The following CHSY3 variants were observed in gnomAD, a reference collection of about 807,000 sequenced individuals.
The protein encoded by CHSY3 is N-acetylgalactosaminyl-proteoglycan 3-beta-glucuronosyltransferase 3.
Under a neutral mutation model 67.2 loss-of-function variants are expected in CHSY3, and 35 were observed. That is an observed-to-expected ratio of 0.52 (90% CI 0.40 to 0.69). The LOEUF (loss-of-function observed/expected upper bound fraction) is 0.69. CHSY3 is among the 30% of genes least tolerant of loss of function. CHSY3 has a pLI of 0.00. For missense variants in CHSY3, 1,069 were observed against 1,138.5 expected (o/e 0.94, Z 0.88); for synonymous variants, 474 against 434.7 (o/e 1.09, Z -1.12).
chr5:130,097,564 G>A (rs1334341280), intron 2 of CHSY3, among the ~76,000 whole-genome samples: 2 of 152,152 alleles, frequency 1.3e-5, no homozygotes, highest in African/African-American at 4.8e-5. Context: ...CTTGTGTTTG[G>A]ATTTTTGAAA....
intron 2 of CHSY3, among the ~76,000 whole-genome samples, chr5:130,087,130 CA>C (rs1422386846): frequency 6.6e-6 from 1 of 151,962 alleles, no homozygotes; most frequent in Non-Finnish European, 1.5e-5. Context: ...ATGATTATCT[CA>C]ATAGATGCAG....
intron 2 of CHSY3, among the ~76,000 whole-genome samples, chr5:130,101,750 A>G (rs1767253530): frequency 6.6e-6 from 1 of 152,146 alleles, no homozygotes; most frequent in African/African-American, 2.4e-5. Context: ...ATGTCATGAT[A>G]TCATAAAAGG....
intron 2 of CHSY3, among the ~76,000 whole-genome samples, chr5:129,911,237 G>C (rs78455213): frequency 6.6e-6 from 1 of 151,844 alleles, no homozygotes; most frequent in African/African-American, 2.4e-5. Flanking sequence ...GAAGCTTCTA[G>C]TATTCTTCTT....
At position 129,961,341 on chromosome 5, in the gene CHSY3, T is replaced by G. The variant is rs144845885; in HGVS notation, c.1086+52981T>G. Among the ~76,000 whole-genome samples, 21 of 152,176 alleles carry G rather than the reference T, an allele frequency of 1.4e-4. No homozygotes were observed. In the South Asian group the frequency reaches 2.7e-3, roughly 20 times the overall value. ...ATTGGCCTATTATTTCTTAAAATAGTTTTATGTGAAATAGCAATATACAGA... is the reference window on the plus strand; with the variant it reads ...ATTGGCCTATTATTTCTTAAAATAGGTTTATGTGAAATAGCAATATACAGA... On this transcript the variant is annotated intron_variant, in intron 2 of 2. Transcript: ENST00000305031.
intron 2 of CHSY3, among the ~76,000 whole-genome samples, chr5:129,991,946 A>G (rs942834472): frequency 6.6e-6 from 1 of 152,174 alleles, no homozygotes; most frequent in Admixed American, 6.6e-5. Context: ...TTCTCTGTTT[A>G]TAGTTTATGG....
chr5:130,083,640 G>T (rs867736254), intron 2 of CHSY3, among the ~76,000 whole-genome samples: 1 of 151,970 alleles, frequency 6.6e-6, no homozygotes, highest in Non-Finnish European at 1.5e-5. Context: ...ATAATAAGGG[G>T]TTTAGTTCCT....
chr5:130,092,994 C>A (rs1482073804), intron 2 of CHSY3, among the ~76,000 whole-genome samples: 1 of 152,064 alleles, frequency 6.6e-6, no homozygotes, highest in Admixed American at 6.6e-5. Context: ...ATCTGGGAGG[C>A]CTCATGGTTG....
At chr5:130,168,497 A>G (rs982026633) in intron 2 of CHSY3, among the ~76,000 whole-genome samples, 2 of 152,136 alleles carry the variant, frequency 1.3e-5, no homozygotes, top group South Asian at 2.1e-4. Flanking sequence ...TAAAAGCTCT[A>G]AGATATGTGC....
At chr5:130,103,807 A>T (rs1194754437) in intron 2 of CHSY3, among the ~76,000 whole-genome samples, 1 of 151,800 alleles carries the variant, frequency 6.6e-6, no homozygotes, top group Non-Finnish European at 1.5e-5. Context: ...TCAGCATTTC[A>T]CTCTGAATAA....
chr5:130,127,682 T>C (rs1463640150), intron 2 of CHSY3, among the ~76,000 whole-genome samples: 1 of 152,168 alleles, frequency 6.6e-6, no homozygotes, highest in Admixed American at 6.6e-5. Flanking sequence ...GAACTCAAAC[T>C]TAGGTCAATC....
At chr5:129,974,521 A>C (rs1052048662) in intron 2 of CHSY3, among the ~76,000 whole-genome samples, 8 of 152,222 alleles carry the variant, frequency 5.3e-5, no homozygotes, top group African/African-American at 1.9e-4. Context: ...GAAAATCAAA[A>C]ATTACCATGG....
intron 2 of CHSY3, chr5:130,052,094 A>G (rs1765378388): frequency 6.6e-6 from 1 of 152,254 alleles, no homozygotes; most frequent in Non-Finnish European, 1.5e-5. Context: ...ATGAGCTTTC[A>G]TGAACTCTCA....
At chr5:130,155,190 G>A (rs531924395) in intron 2 of CHSY3, among the ~76,000 whole-genome samples, 5 of 152,172 alleles carry the variant, frequency 3.3e-5, no homozygotes, top group Non-Finnish European at 7.3e-5. Flanking sequence ...CTGGATTCTG[G>A]ATAGATAGCT....
At chr5:130,104,596 G>A (rs900493649) in intron 2 of CHSY3, among the ~76,000 whole-genome samples, 6 of 151,606 alleles carry the variant, frequency 4.0e-5, no homozygotes, top group African/African-American at 1.5e-4. Flanking sequence ...AGGAAGGACT[G>A]GAAGAGCAAT....
At chr5:129,929,083 T>A (rs78566821) in intron 2 of CHSY3, among the ~76,000 whole-genome samples, 2 of 152,276 alleles carry the variant, frequency 1.3e-5, no homozygotes, top group African/African-American at 4.8e-5. Flanking sequence ...AATGTCAGAT[T>A]GGAATAGACA....
intron 2 of CHSY3, among the ~76,000 whole-genome samples, chr5:129,923,255 T>A (rs1760981580): frequency 6.6e-6 from 1 of 151,944 alleles, no homozygotes; most frequent in Non-Finnish European, 1.5e-5. Context: ...GATAATAATA[T>A]TCCTAGAGAT....
rs1224795872 is a variant in CHSY3 at position 130,185,233 on chromosome 5, A to AGGTCTT, written c.2099_2104dup (p.Gly700_Leu701dup). 6.2e-7 allele frequency: 1 copy of AGGTCTT among 1,607,306 alleles called. No individual in the cohort carries two copies. Among genetic ancestry groups the AGGTCTT allele is most frequent in the African/African-American group, 1.3e-5 (1 of 74,754 alleles). Reference sequence around the variant, plus strand: ...TCCCAATGAAGGGAGAGTTTTCCAGAGGTCTTGGTCTTGAAATGGCTTCTG... The same window carrying AGGTCTT: ...TCCCAATGAAGGGAGAGTTTTCCAGAGGTCTTGGTCTTGGTCTTGAAATGGCTTCTG... On this transcript the variant is annotated inframe_insertion, in exon 3 of 3. Coordinates refer to ENST00000305031, the MANE Select transcript of CHSY3 (RefSeq NM_175856.5).
intron 2 of CHSY3, among the ~76,000 whole-genome samples, chr5:130,178,248 TATATA>T (rs1479881803): frequency 4.0e-4 from 32 of 79,462 alleles, no homozygotes; most frequent in African/African-American, 1.6e-3. Flanking sequence ...TATATATATA[TATATA>T]TTTTTTTTTT....
intron 2 of CHSY3, among the ~76,000 whole-genome samples, chr5:129,909,421 G>T (rs1561449935): frequency 6.6e-6 from 1 of 151,258 alleles, no homozygotes; most frequent in Non-Finnish European, 1.5e-5. Flanking sequence ...AGTTTCATTT[G>T]TTTTTTTTGT....
Sources: gnomAD v4.1 joint callset for allele counts (sites outside exome capture counted in the v4.1 genomes callset) on GRCh38, gnomAD v4.1.1 for gene constraint, MANE v1.5 for transcripts, NCBI Gene and HGNC (gene_info 2026-07-23, HGNC 2026-07-21) for gene names.